The following TRPM1 variants were observed in gnomAD, a reference collection of about 807,000 sequenced individuals.
TRPM1 encodes the protein transient receptor potential cation channel subfamily M member 1.
In TRPM1, 113 loss-of-function variants were observed where a neutral mutation model predicts 149.4. That is an observed-to-expected ratio of 0.76 (90% CI 0.65 to 0.88). TRPM1 has a LOEUF of 0.88. TRPM1 is among the 40% of genes least tolerant of loss of function. The pLI is 0.00. For missense variants in TRPM1, 1,976 were observed against 2,038.7 expected (o/e 0.97, Z 0.59); for synonymous variants, 741 against 759.5 (o/e 0.98, Z 0.40).
chr15:31,144,333 A>G (rs1425058456), intron 1 of TRPM1, among the ~76,000 whole-genome samples: 1 of 152,160 alleles, frequency 6.6e-6, no homozygotes, highest in Non-Finnish European at 1.5e-5. Context: ...GTTATTTGGG[A>G]GGCTAAGGTG....
chr15:31,061,436 G>T lies in TRPM1; in HGVS notation c.1162+6C>A, dbSNP rs192371158. 159 of 1,613,988 alleles carry T rather than the reference G, an allele frequency of 9.9e-5. 1 individual carries two copies. In the African/African-American group the frequency reaches 1.9e-3, roughly 19 times the overall value. On this transcript the variant is annotated splice_donor_region_variant and intron_variant, in intron 10 of 27. Transcript: ENST00000256552. ...GGACAGGAGTCACCATTTCCTGAGA[G>T]CTCACCTTTCAGCAGGGCAGTTAAA...
At chr15:31,077,835 A>T (rs2034750662) in intron 2 of TRPM1, among the ~76,000 whole-genome samples, 1 of 151,360 alleles carries the variant, frequency 6.6e-6, no homozygotes, top group East Asian at 1.9e-4. Flanking sequence ...ATGAGTCTGT[A>T]TGTGAGTGGG....
chr15:31,101,072 C>A (rs1383920434), intron 1 of TRPM1, among the ~76,000 whole-genome samples: 1 of 152,220 alleles, frequency 6.6e-6, no homozygotes, highest in Non-Finnish European at 1.5e-5. Flanking sequence ...CCAAGGCTTT[C>A]ACAGGTGAAA....
chr15:31,111,988 A>C (rs2035696239), intron 1 of TRPM1, among the ~76,000 whole-genome samples: 1 of 152,206 alleles, frequency 6.6e-6, no homozygotes, highest in Non-Finnish European at 1.5e-5. Flanking sequence ...TTGTTTAAAT[A>C]AGCACAAAGA....
At chr15:31,106,141 CT>C (rs60137498), upstream of TRPM1, among the ~76,000 whole-genome samples, 79,660 of 139,720 alleles carry the variant, frequency 0.57, 22,483 homozygotes, top group East Asian at 0.72. Context: ...TTTTTCTTTT[CT>C]TTTTTTTTTT....
intron 27 of TRPM1, among the ~76,000 whole-genome samples, chr15:31,011,324 A>G (rs2032175130): frequency 6.6e-6 from 1 of 151,886 alleles, no homozygotes; most frequent in African/African-American, 2.4e-5. Context: ...TTTATTTTCT[A>G]TATGTTATGT....
Position 31,067,336 on chromosome 15 carries a change from C to T in TRPM1, c.494-149G>A. 3 of 1,225,046 alleles carry T rather than the reference C, an allele frequency of 2.4e-6. No homozygotes were observed. The South Asian group carries it at 3.7e-5, about 15-fold the overall frequency. 75.9% of individuals were successfully genotyped at this position (1,225,046 alleles called of 1,614,324 possible). A position where few individuals can be genotyped will look rare whatever the true frequency, so the allele number is the denominator to read the frequency against. ...ATCTTTATCATTAAAACAAAGTACACTGAAAGTCTGAGCTCATGATAACGA... is the reference window on the plus strand; with the variant it reads ...ATCTTTATCATTAAAACAAAGTACATTGAAAGTCTGAGCTCATGATAACGA... On this transcript the variant is annotated intron_variant, in intron 5 of 27. Transcript: ENST00000256552.
intron 27 of TRPM1, among the ~76,000 whole-genome samples, chr15:31,007,529 C>G (rs142456853): frequency 1.2e-4 from 19 of 152,250 alleles, no homozygotes; most frequent in Non-Finnish European, 2.6e-4. Context: ...TAGCTGGGCA[C>G]AGTGGCTCAT....
Position 31,066,149 on chromosome 15 carries a change from C to T in TRPM1, c.717G>A (p.Leu239=). 6.2e-7 allele frequency: 1 copy of T among 1,614,132 alleles called. No individual in the cohort carries two copies. The highest frequency in any genetic ancestry group is 8.5e-7 in the Non-Finnish European group (1 of 1,180,018). Residue 239 remains leucine, a synonymous_variant, in exon 7 of 28, where the codon CTG becomes CTA. Coordinates refer to ENST00000256552, the MANE Select transcript of TRPM1 (RefSeq NM_001252024.2). ...GCTTCACCTCGGCGCCATACTTGCC[C>T]AGGGTGCCATTGTCAGCCAGGATGA... ...THFILADNGT[L]GKYGAEVKLR...
intron 1 of TRPM1, among the ~76,000 whole-genome samples, chr15:31,139,846 A>G (rs942590007): frequency 2.0e-5 from 3 of 152,226 alleles, no homozygotes; most frequent in South Asian, 4.1e-4. Flanking sequence ...GAATGAGTAA[A>G]TTATGTGGAT....
In TRPM1 at chr15:31,002,729, C is replaced by G; in HGVS notation, c.3971G>C (p.Cys1324Ser). 1 of 1,614,150 alleles carries G rather than the reference C, an allele frequency of 6.2e-7. No homozygotes were observed. The highest frequency in any genetic ancestry group is 8.5e-7 in the Non-Finnish European group (1 of 1,180,042). ...SPGTGVRKKT[C>S]SFRIKEEKDV... ...CTTCTCTTCCTTTATACGGAAGGAA[C>G]AGGTTTTTTTCCTGACTCCTGTCCC... Residue 1324 changes from cysteine (C) to serine (S), a missense_variant, in exon 28 of 28, where the codon TGT (cysteine) becomes TCT (serine). Physicochemically the swap from Cys to Ser is moderately radical, Grantham distance 112. Coordinates refer to ENST00000256552, the MANE Select transcript of TRPM1 (RefSeq NM_001252024.2).
chr15:31,024,297 C>CA (rs1211557107), intron 27 of TRPM1, among the ~76,000 whole-genome samples: 2 of 152,198 alleles, frequency 1.3e-5, no homozygotes, highest in Non-Finnish European at 2.9e-5. Flanking sequence ...AAAGTAGTCA[C>CA]AGGTGCCCAA....
intron 1 of TRPM1, among the ~76,000 whole-genome samples, chr15:31,095,156 A>G (rs1378492186): frequency 6.6e-6 from 1 of 152,278 alleles, no homozygotes; most frequent in Non-Finnish European, 1.5e-5. Flanking sequence ...TGAAACATCC[A>G]GAATAGATAA....
intron 1 of TRPM1, among the ~76,000 whole-genome samples, chr15:31,128,688 A>T (rs568117105): frequency 6.6e-6 from 1 of 152,270 alleles, no homozygotes; most frequent in South Asian, 2.1e-4. Context: ...AACACACCCC[A>T]TACCACTCCA....
At chr15:31,123,685 C>CA (rs2035908250) in intron 1 of TRPM1, among the ~76,000 whole-genome samples, 1 of 152,104 alleles carries the variant, frequency 6.6e-6, no homozygotes, top group African/African-American at 2.4e-5. Flanking sequence ...GGCTAAAACC[C>CA]AAAAAACTGA....
chr15:31,069,803 G>A, intron 4 of TRPM1: 1 of 1,479,054 alleles, frequency 6.8e-7, no homozygotes, highest in Non-Finnish European at 8.9e-7. Context: ...TCAGAGCTTT[G>A]GTATGGATTT....
rs1277872484 is a variant in TRPM1, at chr15:31,001,515, G to T, written c.*307C>A. 2.7e-6 allele frequency: 1 copy of T among 377,246 alleles called. No homozygotes were observed. Among genetic ancestry groups the T allele is most frequent in the Admixed American group, 4.4e-5 (1 of 22,592 alleles). 23.4% of individuals were successfully genotyped at this position (377,246 alleles called of 1,614,324 possible). A position where few individuals can be genotyped will look rare whatever the true frequency, so the allele number is the denominator to read the frequency against. ...CTAATGGTGACTTCAGTGCTCGAGG[G>T]CACTTCCTAGGCTATTTGGTGGCCC... On this transcript the variant is annotated 3_prime_UTR_variant, in exon 28 of 28. Coordinates refer to ENST00000256552, the MANE Select transcript of TRPM1 (RefSeq NM_001252024.2).
At chr15:31,117,295 G>C (rs2035812756) in intron 1 of TRPM1, among the ~76,000 whole-genome samples, 2 of 152,306 alleles carry the variant, frequency 1.3e-5, no homozygotes, top group South Asian at 4.1e-4. Context: ...AGACCAGCCT[G>C]GCCAACATGG....
chr15:31,057,342 A>T (rs934655710), intron 11 of TRPM1, among the ~76,000 whole-genome samples: 1 of 152,190 alleles, frequency 6.6e-6, no homozygotes, highest in African/African-American at 2.4e-5. Flanking sequence ...TGATGAGAAC[A>T]CATGGACACA....
Sources: gnomAD v4.1 joint callset for allele counts (sites outside exome capture counted in the v4.1 genomes callset) on GRCh38, gnomAD v4.1.1 for gene constraint, MANE v1.5 for transcripts, NCBI Gene and HGNC (gene_info 2026-07-23, HGNC 2026-07-21) for gene names.